The following CYP2J2 variants were observed in gnomAD, a reference collection of about 807,000 sequenced individuals.
CYP2J2 encodes cytochrome P450 family 2 subfamily J member 2.
A neutral mutation model predicts 48.8 loss-of-function variants in CYP2J2; 41 were observed. The ratio of observed to expected loss-of-function variants is 0.84; its 90% CI spans 0.66 to 1.09. The LOEUF is 1.09. Ranked by LOEUF, CYP2J2 falls within the 50% of genes least tolerant of loss-of-function variation. CYP2J2 has a pLI of 0.00. For synonymous variants in CYP2J2, 221 were observed against 227.1 expected (o/e 0.97, Z 0.24); for missense variants, 644 against 617.3 (o/e 1.04, Z -0.46).
chr1:59,894,429 T>A (rs1343574126), intron 8 of CYP2J2, among the ~76,000 whole-genome samples: 1 of 152,144 alleles, frequency 6.6e-6, no homozygotes, highest in Non-Finnish European at 1.5e-5. Flanking sequence ...GCATTTCTTC[T>A]GAAGTGTGGC....
the CYP2J2 span, among the ~76,000 whole-genome samples, chr1:59,965,573 C>G: frequency 6.6e-6 from 1 of 152,176 alleles, no homozygotes; most frequent in Non-Finnish European, 1.5e-5. Context: ...TGTGGTTGTC[C>G]TGGGATGAAC....
chr1:59,933,252 A>T, the CYP2J2 span, among the ~76,000 whole-genome samples: 1 of 152,228 alleles, frequency 6.6e-6, no homozygotes, highest in Non-Finnish European at 1.5e-5. Flanking sequence ...CTAAGAAAGG[A>T]AAGAAAGCAG....
At chr1:59,935,968 A>T in the CYP2J2 span, among the ~76,000 whole-genome samples, 4 of 152,154 alleles carry the variant, frequency 2.6e-5, no homozygotes, top group African/African-American at 9.7e-5. Flanking sequence ...TACAAAAAAA[A>T]GTTTGGCTAG....
chr1:59,954,595 G>A, the CYP2J2 span, among the ~76,000 whole-genome samples: 2 of 142,480 alleles, frequency 1.4e-5, no homozygotes, highest in South Asian at 2.2e-4. Flanking sequence ...GGTCGGGGGG[G>A]GATGCAAACC....
chr1:59,925,413 G>T (rs527671587), intron 1 of CYP2J2, among the ~76,000 whole-genome samples: 3 of 152,222 alleles, frequency 2.0e-5, no homozygotes, highest in Admixed American at 2.0e-4. Context: ...TATCAAGATA[G>T]ACTATATCTT....
At chr1:59,919,592 TAAAC>T (rs1455208127) in intron 1 of CYP2J2, among the ~76,000 whole-genome samples, 2 of 152,100 alleles carry the variant, frequency 1.3e-5, no homozygotes, top group African/African-American at 4.8e-5. Context: ...GAAAAAAAAA[TAAAC>T]AAGGAAATGG....
At chr1:59,940,675 C>T in the CYP2J2 span, among the ~76,000 whole-genome samples, 1 of 152,098 alleles carries the variant, frequency 6.6e-6, no homozygotes, top group Non-Finnish European at 1.5e-5. Flanking sequence ...TTTACCACTG[C>T]ACTATTAGTA....
At chr1:59,967,585 T>A in the CYP2J2 span, among the ~76,000 whole-genome samples, 11 of 152,194 alleles carry the variant, frequency 7.2e-5, no homozygotes, top group Non-Finnish European at 8.8e-5. Flanking sequence ...GTGTGTGTCG[T>A]CTTTCTGAGC....
the CYP2J2 span, among the ~76,000 whole-genome samples, chr1:59,962,056 C>A: frequency 6.6e-6 from 1 of 151,294 alleles, no homozygotes; most frequent in African/African-American, 2.4e-5. Flanking sequence ...GATGGCTGTA[C>A]AACTTTGGAA....
At chr1:59,908,486 A>C (rs1644383843) in intron 5 of CYP2J2, among the ~76,000 whole-genome samples, 1 of 152,164 alleles carries the variant, frequency 6.6e-6, no homozygotes, top group Non-Finnish European at 1.5e-5. Context: ...TTTTCTTTCC[A>C]ATTTGAAACT....
upstream of CYP2J2, among the ~76,000 whole-genome samples, chr1:59,927,733 C>T (rs918965613): frequency 2.0e-5 from 3 of 152,100 alleles, no homozygotes; most frequent in East Asian, 1.9e-4. Flanking sequence ...CCACCATGCC[C>T]GGCTAATTTT....
chr1:59,965,601 C>T, the CYP2J2 span, among the ~76,000 whole-genome samples: 95 of 152,282 alleles, frequency 6.2e-4, no homozygotes, highest in Admixed American at 1.7e-3. Flanking sequence ...GGATTGACAG[C>T]CCTGACCAGT....
chr1:59,956,028 T>C, the CYP2J2 span, among the ~76,000 whole-genome samples: 2,168 of 152,194 alleles, frequency 0.014, 64 homozygotes, highest in African/African-American at 0.05. Context: ...CATTTATATA[T>C]ACAGAGATGT....
chr1:59,896,298 A>G (rs1219978453), intron 8 of CYP2J2, among the ~76,000 whole-genome samples: 4 of 141,768 alleles, frequency 2.8e-5, no homozygotes, highest in Non-Finnish European at 6.0e-5. Flanking sequence ...GTGTGTACAT[A>G]TATAAAATAT....
At chr1:59,935,266 G>T in the CYP2J2 span, among the ~76,000 whole-genome samples, 2 of 151,838 alleles carry the variant, frequency 1.3e-5, no homozygotes, top group African/African-American at 2.4e-5. Flanking sequence ...GGGGAAAGGG[G>T]AGATGTTGGT....
the CYP2J2 span, among the ~76,000 whole-genome samples, chr1:59,968,479 G>A: frequency 6.6e-6 from 1 of 152,090 alleles, no homozygotes; most frequent in Non-Finnish European, 1.5e-5. Context: ...GAGTCCCACC[G>A]AGAAGAGATG....
chr1:59,907,829 C>T lies in CYP2J2; in HGVS notation c.960G>A (p.Leu320=). ...GGGCCATATAAAGCAGAGCCCATCGCAGAGTTGTGGAAGTTGTCTCGGTTC... is the reference window on the plus strand; with the variant it reads ...GGGCCATATAAAGCAGAGCCCATCGTAGAGTTGTGGAAGTTGTCTCGGTTC... ...FAGTETTSTT[L]RWALLYMALY... Residue 320 remains leucine, a synonymous_variant, in exon 6 of 9, where the codon CTG becomes CTA. Coordinates refer to ENST00000371204, the MANE Select transcript of CYP2J2 (RefSeq NM_000775.4). The T allele has an allele frequency of 6.2e-7, 1 of 1,614,038 alleles. No homozygotes were observed. Among genetic ancestry groups the T allele is most frequent in the South Asian group, 1.1e-5 (1 of 91,044 alleles).
upstream of CYP2J2, chr1:59,926,846 C>G: frequency 9.2e-7 from 1 of 1,092,362 alleles, no homozygotes. Flanking sequence ...CCCCGCCTCC[C>G]AGCCCGCCCC....
chr1:59,936,688 G>A, the CYP2J2 span, among the ~76,000 whole-genome samples: 1 of 151,972 alleles, frequency 6.6e-6, no homozygotes, highest in East Asian at 1.9e-4. Context: ...TTCCCCTGCT[G>A]TCTCTGCCTA....
Sources: gnomAD v4.1 joint callset for allele counts (sites outside exome capture counted in the v4.1 genomes callset) on GRCh38, gnomAD v4.1.1 for gene constraint, MANE v1.5 for transcripts, NCBI Gene and HGNC (gene_info 2026-07-23, HGNC 2026-07-21) for gene names.